GRM8: variants seen among roughly 807,000 people sequenced by gnomAD.
GRM8 encodes glutamate metabotropic receptor 8.
A neutral mutation model predicts 87.2 loss-of-function variants in GRM8; 47 were observed. That is an observed-to-expected ratio of 0.54 (90% CI 0.43 to 0.69). The LOEUF is 0.69. Among genes scored for constraint, GRM8 ranks in the 30% least tolerant of loss-of-function variants. The pLI is 0.00. For synonymous variants in GRM8, 396 were observed against 404.5 expected (o/e 0.98, Z 0.25); for missense variants, 1,019 against 1,139.2 (o/e 0.89, Z 1.52).
At chr7:126,530,317 G>A (rs561267699) in intron 9 of GRM8, among the ~76,000 whole-genome samples, 3 of 152,310 alleles carry the variant, frequency 2.0e-5, no homozygotes, top group East Asian at 3.9e-4. Context: ...TTGGAAATTC[G>A]GTGTCACCAA....
chr7:126,950,534 A>G (rs1808028446), intron 3 of GRM8, among the ~76,000 whole-genome samples: 1 of 152,012 alleles, frequency 6.6e-6, no homozygotes, highest in African/African-American at 2.4e-5. Context: ...AAAGACAGCT[A>G]TTTTTTTAAT....
intron 7 of GRM8, among the ~76,000 whole-genome samples, chr7:126,666,775 CA>C (rs1805822099): frequency 6.6e-6 from 1 of 151,864 alleles, no homozygotes; most frequent in African/African-American, 2.4e-5. Context: ...GTTTGAAAAC[CA>C]AAAATATGTT....
intron 6 of GRM8, among the ~76,000 whole-genome samples, chr7:126,837,348 G>A (rs146618807): frequency 1.3e-5 from 2 of 152,262 alleles, no homozygotes; most frequent in African/African-American, 4.8e-5. Flanking sequence ...GTATTATTTA[G>A]TTGTTCTGTT....
At chr7:126,516,772 G>A (rs577636975) in intron 9 of GRM8, among the ~76,000 whole-genome samples, 20 of 152,178 alleles carry the variant, frequency 1.3e-4, no homozygotes, top group African/African-American at 4.1e-4. Context: ...ACTGTTACTT[G>A]TATATATCTT....
intron 2 of GRM8, among the ~76,000 whole-genome samples, chr7:127,145,224 G>C (rs1296338128): frequency 2.1e-4 from 32 of 152,156 alleles, no homozygotes; most frequent in Non-Finnish European, 8.8e-5. Context: ...TTGCAAACAT[G>C]GTAAGCCCAA....
intron 6 of GRM8, among the ~76,000 whole-genome samples, chr7:126,829,163 A>C (rs2130366820): frequency 6.6e-6 from 1 of 150,482 alleles, no homozygotes; most frequent in South Asian, 2.1e-4. Flanking sequence ...TGATGCTGAA[A>C]AAAATGTATA....
chr7:126,532,213 AAAG>A, intron 9 of GRM8, among the ~76,000 whole-genome samples: 1 of 152,338 alleles, frequency 6.6e-6, no homozygotes, highest in South Asian at 2.1e-4. Flanking sequence ...ATTAGTGACA[AAAG>A]AAATTACTTT....
intron 9 of GRM8, among the ~76,000 whole-genome samples, chr7:126,467,479 G>A (rs1405777210): frequency 6.6e-6 from 1 of 151,798 alleles, no homozygotes; most frequent in African/African-American, 2.4e-5. Context: ...AGGCTTTTAT[G>A]ATTAGACAAA....
chr7:126,574,290 C>T (rs1402625552), intron 8 of GRM8, among the ~76,000 whole-genome samples: 1 of 152,140 alleles, frequency 6.6e-6, no homozygotes, highest in Non-Finnish European at 1.5e-5. Flanking sequence ...GAACATTGAA[C>T]TCCTCATCAA....
At chr7:127,201,236 T>A (rs1280386068) in intron 2 of GRM8, among the ~76,000 whole-genome samples, 1 of 152,238 alleles carries the variant, frequency 6.6e-6, no homozygotes, top group Non-Finnish European at 1.5e-5. Context: ...TACTAGTGCT[T>A]CATGAGTTGT....
At chr7:126,611,507 G>C (rs748855685) in intron 7 of GRM8, among the ~76,000 whole-genome samples, 1 of 152,158 alleles carries the variant, frequency 6.6e-6, no homozygotes, top group Non-Finnish European at 1.5e-5. Context: ...AAATGAGGAA[G>C]ATATTTCTGG....
chr7:126,452,028 C>T (rs1802668882), intron 9 of GRM8, among the ~76,000 whole-genome samples: 1 of 151,670 alleles, frequency 6.6e-6, no homozygotes, highest in East Asian at 1.9e-4. Context: ...TTGTTCACGG[C>T]TGTAAACTCA....
chr7:126,616,814 A>G (rs1440256083), intron 7 of GRM8, among the ~76,000 whole-genome samples: 2 of 152,214 alleles, frequency 1.3e-5, no homozygotes, highest in African/African-American at 4.8e-5. Flanking sequence ...CACCCTCCCA[A>G]GACTAAACCA....
rs1025129435 is a variant in GRM8, at chr7:126,788,490, C to T, written c.1157-18425G>A. ...AATTGTATGTGCTTTTTAACACCTC[C>T]CATCCTACTTATACTACATCTTCTT... On this transcript the variant is annotated intron_variant, in intron 6 of 10. Transcript: ENST00000339582. 6.0e-4 allele frequency among the ~76,000 whole-genome samples: 91 copies of T among 150,826 alleles called. 1 individual carries two copies. Among genetic ancestry groups the T allele is most frequent in the African/African-American group, 2.2e-3 (89 of 41,074 alleles).
intron 8 of GRM8, among the ~76,000 whole-genome samples, chr7:126,540,038 A>G (rs1208087559): frequency 6.6e-6 from 1 of 152,100 alleles, no homozygotes; most frequent in Non-Finnish European, 1.5e-5. Flanking sequence ...AAATATGTTC[A>G]AGTCATTATT....
At chr7:127,157,788 A>G (rs1318879668) in intron 2 of GRM8, among the ~76,000 whole-genome samples, 2 of 152,214 alleles carry the variant, frequency 1.3e-5, no homozygotes, top group Non-Finnish European at 2.9e-5. Flanking sequence ...ATAAAAATTA[A>G]AAACACATTC....
chr7:126,506,238 TGTGTGTAGAC>T (rs1562894324), intron 9 of GRM8, among the ~76,000 whole-genome samples: 169 of 152,132 alleles, frequency 1.1e-3, no homozygotes, highest in African/African-American at 3.9e-3. Flanking sequence ...ATTGTGTGTG[TGTGTGTAGAC>T]ATACGTGTAT....
At chr7:126,724,395 G>A (rs1482468203) in intron 7 of GRM8, among the ~76,000 whole-genome samples, 2 of 152,076 alleles carry the variant, frequency 1.3e-5, no homozygotes, top group African/African-American at 2.4e-5. Flanking sequence ...CAAATATACA[G>A]CAGGAAAACT....
At chr7:126,575,419 TATA>T (rs912906943) in intron 8 of GRM8, among the ~76,000 whole-genome samples, 1 of 151,920 alleles carries the variant, frequency 6.6e-6, no homozygotes, top group African/African-American at 2.4e-5. Flanking sequence ...TACAATGTAT[TATA>T]ATAATAATAG....
Sources: gnomAD v4.1 joint callset for allele counts (sites outside exome capture counted in the v4.1 genomes callset) on GRCh38, gnomAD v4.1.1 for gene constraint, MANE v1.5 for transcripts, NCBI Gene and HGNC (gene_info 2026-07-23, HGNC 2026-07-21) for gene names.